The following PRKG1 variants were observed in gnomAD, a reference collection of about 807,000 sequenced individuals.
PRKG1 encodes cGMP-dependent protein kinase 1.
A neutral mutation model predicts 88.1 loss-of-function variants in PRKG1; 35 were observed. The observed-to-expected ratio is 0.40, with a 90% confidence interval of 0.30 to 0.53. The LOEUF is 0.53. PRKG1 is among the 20% of genes least tolerant of loss of function. The pLI, the probability that PRKG1 is intolerant of heterozygous loss-of-function variation, is 0.59. For missense variants in PRKG1, 540 were observed against 839.8 expected, an observed-to-expected ratio of 0.64 and a Z score of 4.41; for synonymous variants, 303 against 292.5, an observed-to-expected ratio of 1.04 and a Z score of -0.37.
In PRKG1 at chr10:52,100,449, C is replaced by A. The variant is rs557775860; in HGVS notation, c.936-33391C>A. Among the ~76,000 whole-genome samples the A allele has an allele frequency of 8.7e-4, 133 of 152,224 alleles. 2 individuals carry two copies. In the South Asian group the frequency reaches 0.012, roughly 14 times the overall value. On this transcript the variant is annotated intron_variant, in intron 7 of 17. Transcript: ENST00000373980. The stretch of plus-strand genomic sequence containing the variant: ...CAGTGCACAGTCTGTACAATGAAAC[C>A]GTTTTTATTTGTTTTTCTGCCGAGT...
intron 3 of PRKG1, among the ~76,000 whole-genome samples, chr10:51,638,653 A>G (rs1839718347): frequency 6.6e-6 from 1 of 152,200 alleles, no homozygotes; most frequent in Admixed American, 6.5e-5. Flanking sequence ...AATATGGAAT[A>G]TAAAGCACAA....
intron 2 of PRKG1, among the ~76,000 whole-genome samples, chr10:51,212,818 C>T (rs1437154042): frequency 1.3e-5 from 2 of 152,286 alleles, no homozygotes; most frequent in East Asian, 1.9e-4. Flanking sequence ...CAGGAAACAA[C>T]AGGTGCTGGA....
intron 3 of PRKG1, among the ~76,000 whole-genome samples, chr10:51,481,921 G>C (rs1840371663): frequency 6.6e-6 from 1 of 152,116 alleles, no homozygotes; most frequent in Non-Finnish European, 1.5e-5. Context: ...GCCTTTTTAA[G>C]AGGGGGTTAT....
At chr10:51,769,606 G>A (rs148873586) in intron 3 of PRKG1, among the ~76,000 whole-genome samples, 2 of 152,076 alleles carry the variant, frequency 1.3e-5, no homozygotes, top group African/African-American at 2.4e-5. Context: ...AAGCCTATTT[G>A]GAAACAGATA....
intron 2 of PRKG1, among the ~76,000 whole-genome samples, chr10:51,196,077 A>C (rs1424482690): frequency 6.6e-6 from 1 of 152,204 alleles, no homozygotes; most frequent in Admixed American, 6.5e-5. Context: ...GATCCTTGCT[A>C]TAATTATGGT....
At chr10:51,400,798 T>A (rs1460419306) in intron 2 of PRKG1, among the ~76,000 whole-genome samples, 2 of 152,194 alleles carry the variant, frequency 1.3e-5, no homozygotes, top group Non-Finnish European at 2.9e-5. Flanking sequence ...TTAGGAGAAC[T>A]GGTGAACTAG....
chr10:51,632,747 T>C (rs1421898948), intron 3 of PRKG1, among the ~76,000 whole-genome samples: 1 of 152,212 alleles, frequency 6.6e-6, no homozygotes, highest in East Asian at 1.9e-4. Context: ...CCAGTTGTTT[T>C]ATGTAAGGAA....
intron 5 of PRKG1, among the ~76,000 whole-genome samples, chr10:52,052,036 A>G (rs900326564): frequency 1.3e-5 from 2 of 152,160 alleles, no homozygotes; most frequent in African/African-American, 2.4e-5. Context: ...TTGCTACCCA[A>G]TACGGTATCT....
chr10:51,474,967 A>C (rs1028433137), intron 3 of PRKG1, among the ~76,000 whole-genome samples: 2 of 152,004 alleles, frequency 1.3e-5, no homozygotes, highest in East Asian at 3.9e-4. Flanking sequence ...CATCCCATGC[A>C]TTATGTAATG....
At chr10:51,382,094 G>C (rs768772684) in intron 2 of PRKG1, among the ~76,000 whole-genome samples, 2 of 151,928 alleles carry the variant, frequency 1.3e-5, no homozygotes, top group Non-Finnish European at 2.9e-5. Flanking sequence ...TTGGTAATTA[G>C]ATTTCAAACA....
At chr10:52,018,733 A>C (rs771515311) in intron 5 of PRKG1, among the ~76,000 whole-genome samples, 1 of 152,212 alleles carries the variant, frequency 6.6e-6, no homozygotes, top group African/African-American at 2.4e-5. Context: ...AGAGGACTTT[A>C]ATTCAAGACC....
intron 3 of PRKG1, among the ~76,000 whole-genome samples, chr10:51,627,656 T>C (rs1820938217): frequency 6.6e-6 from 1 of 152,208 alleles, no homozygotes; most frequent in Non-Finnish European, 1.5e-5. Context: ...TAGTGGTTGA[T>C]AGGTCAGGCT....
chr10:51,249,633 T>C (rs1839378777), intron 2 of PRKG1, among the ~76,000 whole-genome samples: 1 of 139,994 alleles, frequency 7.1e-6, no homozygotes, highest in South Asian at 2.1e-4. Flanking sequence ...AGACAGAACA[T>C]AAATGAAAAA....
intron 1 of PRKG1, among the ~76,000 whole-genome samples, chr10:51,059,838 T>G (rs1322191837): frequency 6.6e-6 from 1 of 152,142 alleles, no homozygotes; most frequent in Non-Finnish European, 1.5e-5. Context: ...GTTTGTTAAG[T>G]ATATTGTTTC....
At chr10:52,166,474 C>T (rs1011765017) in intron 9 of PRKG1, among the ~76,000 whole-genome samples, 70 of 140,392 alleles carry the variant, frequency 5.0e-4, no homozygotes, top group African/African-American at 1.6e-3. Context: ...CGCTCTGTCG[C>T]CCAGGCTGGA....
intron 2 of PRKG1, among the ~76,000 whole-genome samples, chr10:51,228,946 A>G (rs1453308366): frequency 6.6e-6 from 1 of 152,082 alleles, no homozygotes; most frequent in Non-Finnish European, 1.5e-5. Context: ...TCTTTCCATC[A>G]TGACCGTTAT....
intron 1 of PRKG1, among the ~76,000 whole-genome samples, chr10:51,095,640 T>C (rs941253804): frequency 6.6e-6 from 1 of 152,186 alleles, no homozygotes; most frequent in East Asian, 1.9e-4. Flanking sequence ...CGTGCCCAGC[T>C]TTGCTGCTTT....
intron 9 of PRKG1, among the ~76,000 whole-genome samples, chr10:52,234,022 T>C (rs1421072978): frequency 3.5e-4 from 53 of 151,768 alleles, no homozygotes; most frequent in Admixed American, 8.5e-4. Context: ...CCCCGAGCAG[T>C]CTAACTGGGA....
At chr10:51,454,285 C>T (rs75373336) in intron 2 of PRKG1, among the ~76,000 whole-genome samples, 11,200 of 151,872 alleles carry the variant, frequency 0.074, 775 homozygotes, top group African/African-American at 0.18. Flanking sequence ...CCTGCCTAGC[C>T]AAAGCAAGGC....
Sources: gnomAD v4.1 joint callset for allele counts (sites outside exome capture counted in the v4.1 genomes callset) on GRCh38, gnomAD v4.1.1 for gene constraint, MANE v1.5 for transcripts, NCBI Gene and HGNC (gene_info 2026-07-23, HGNC 2026-07-21) for gene names.